Variants in ENTPD6 observed in about 807,000 individuals in gnomAD.
ENTPD6 encodes CD39 antigen-like 2.
A neutral mutation model predicts 61.5 loss-of-function variants in ENTPD6; 46 were observed. The observed-to-expected ratio is 0.75, with a 90% CI of 0.59 to 0.96. ENTPD6 has a LOEUF of 0.96. Ranked by LOEUF, ENTPD6 falls within the 40% of genes least tolerant of loss-of-function variation. The pLI, the probability that ENTPD6 is intolerant of heterozygous loss-of-function variation, is 0.00. For missense variants in ENTPD6, 612 were observed against 629.0 expected, an observed-to-expected ratio of 0.97 and a Z score of 0.29; for synonymous variants, 252 against 255.5, an observed-to-expected ratio of 0.99 and a Z score of 0.13.
chr20:25,199,204 C>T (rs577553544), intron 1 of ENTPD6, among the ~76,000 whole-genome samples: 3 of 152,278 alleles, frequency 2.0e-5, no homozygotes, highest in Non-Finnish European at 4.4e-5. Context: ...AGAAGAACTG[C>T]ACATGTCATG....
chr20:25,213,766 A>G (rs951156980), intron 5 of ENTPD6, among the ~76,000 whole-genome samples: 17 of 152,206 alleles, frequency 1.1e-4, no homozygotes, highest in African/African-American at 4.1e-4. Context: ...CCTGGCCAAC[A>G]TAGCAAGACC....
intron 12 of ENTPD6, 163 bp from the exon 13 acceptor site, chr20:25,223,938 G>T: frequency 1.8e-6 from 1 of 554,030 alleles, no homozygotes; most frequent in Non-Finnish European, 3.1e-6. Flanking sequence ...CCCAGAAGCC[G>T]TCCTCAGAGC....
chr20:25,207,556 G>A (rs537030322), intron 3 of ENTPD6, among the ~76,000 whole-genome samples, 159 bp downstream of exon 3: 67 of 152,262 alleles, frequency 4.4e-4, no homozygotes, highest in African/African-American at 1.1e-3. Context: ...TGAATTTCCC[G>A]GGAGTCCCAG....
intron 1 of ENTPD6, chr20:25,196,100 A>G (rs1346127086): frequency 9.0e-7 from 1 of 1,116,288 alleles, no homozygotes; most frequent in African/African-American, 1.6e-5. Context: ...CGGGCCAAAT[A>G]GCAGGGGCCT....
chr20:25,197,595 T>C (rs1189537692), intron 1 of ENTPD6, among the ~76,000 whole-genome samples: 1 of 152,238 alleles, frequency 6.6e-6, no homozygotes, highest in Non-Finnish European at 1.5e-5. Context: ...GTCTCAGCCA[T>C]GGGCAAACAC....
intron 11 of ENTPD6, 99 bp downstream of exon 11, chr20:25,221,432 G>A (rs1296797947): frequency 2.3e-6 from 2 of 887,222 alleles, no homozygotes; most frequent in Non-Finnish European, 3.7e-6. Context: ...TCCACGGGAG[G>A]CTCCTGACCT....
At chr20:25,215,022 C>T (rs568167503) in intron 6 of ENTPD6, 80 bp downstream of exon 6, 11 of 932,492 alleles carry the variant, frequency 1.2e-5, no homozygotes, top group East Asian at 4.9e-5. Flanking sequence ...TCTAACCATC[C>T]GCCACCCCTC....
At chr20:25,197,184 G>A (rs2122291658) in intron 1 of ENTPD6, 1 of 985,352 alleles carries the variant, frequency 1.0e-6, no homozygotes, top group Non-Finnish European at 1.2e-6. Flanking sequence ...AACAGATTAG[G>A]CAGCCATCAA....
At chr20:25,224,302 C>A (rs2092731829) in intron 13 of ENTPD6, 145 bp downstream of exon 13, 2 of 618,960 alleles carry the variant, frequency 3.2e-6, no homozygotes, top group African/African-American at 1.9e-5. Context: ...GAGAAAGGAC[C>A]ACCGTCCTTG....
intron 10 of ENTPD6, among the ~76,000 whole-genome samples, chr20:25,219,482 C>A (rs908283487): frequency 3.3e-5 from 5 of 152,214 alleles, no homozygotes; most frequent in Non-Finnish European, 5.9e-5. Flanking sequence ...GACCTGGGGA[C>A]ACAGCCTGCA....
intron 5 of ENTPD6, chr20:25,214,643 G>A: frequency 1.9e-6 from 1 of 530,812 alleles, no homozygotes; most frequent in East Asian, 3.3e-5. Context: ...TTTCGTTACT[G>A]CCTGCCAATA....
intron 7 of ENTPD6, 63 bp from the exon 8 acceptor site, chr20:25,216,585 C>G: frequency 7.7e-7 from 1 of 1,302,386 alleles, no homozygotes; most frequent in Non-Finnish European, 1.1e-6. Flanking sequence ...TTCACCCTGG[C>G]TTTTCTGCTG....
intron 5 of ENTPD6, among the ~76,000 whole-genome samples, chr20:25,214,150 T>C (rs895594386): frequency 1.3e-5 from 2 of 152,190 alleles, no homozygotes; most frequent in Non-Finnish European, 1.5e-5. Context: ...AGGGCCAATG[T>C]GTCTCCAGCT....
At position 25,222,938 on chromosome 20, in the gene ENTPD6, C is replaced by T; in HGVS notation, c.1146C>T (p.Phe382=). 1.2e-6 allele frequency: 2 copies of T among 1,613,988 alleles called. No homozygotes were observed. The highest frequency in any genetic ancestry group is 1.7e-6 in the Non-Finnish European group (2 of 1,180,000). ...EEVKHVDFYA[F]SYYYDLAAGV... is the part of the protein sequence containing the mutation. ...TGAAGCATGTGGACTTCTATGCTTT[C>T]TCCTACTATTACGACCTTGCAGCTG... The change falls in exon 12 of 15, where the codon TTC becomes TTT. Residue 382 remains phenylalanine (F), a synonymous_variant. Coordinates refer to ENST00000376652, the MANE Select transcript of ENTPD6 (RefSeq NM_001247.5).
At chr20:25,197,387 C>G (rs541426024) in intron 1 of ENTPD6, among the ~76,000 whole-genome samples, 44 of 152,220 alleles carry the variant, frequency 2.9e-4, no homozygotes, top group Non-Finnish European at 4.9e-4. Context: ...CTGTGTGCAC[C>G]CTACTTCCTA....
intron 1 of ENTPD6, chr20:25,196,267 C>T: frequency 3.8e-6 from 4 of 1,053,204 alleles, no homozygotes; most frequent in Non-Finnish European, 4.6e-6. Context: ...AGGATCAGGC[C>T]GCTCGGACAG....
At chr20:25,199,260 C>T (rs536990022) in intron 1 of ENTPD6, among the ~76,000 whole-genome samples, 1 of 152,292 alleles carries the variant, frequency 6.6e-6, no homozygotes, top group South Asian at 2.1e-4. Context: ...GGAGGAGCTC[C>T]GCCAGCACAT....
At chr20:25,204,549 CTCACCTG>C in intron 1 of ENTPD6, among the ~76,000 whole-genome samples, 1 of 152,230 alleles carries the variant, frequency 6.6e-6, no homozygotes, top group South Asian at 2.1e-4. Flanking sequence ...TACTGTATTT[CTCACCTG>C]TCATTCTTGC....
At chr20:25,221,462 C>A (rs749530830) in intron 11 of ENTPD6, 129 bp downstream of exon 11, 1 of 754,252 alleles carries the variant, frequency 1.3e-6, no homozygotes, top group Admixed American at 2.0e-5. Context: ...GAGCCTGTAC[C>A]TGCCCTGGAA....
Sources: gnomAD v4.1 joint callset for allele counts (sites outside exome capture counted in the v4.1 genomes callset) on GRCh38, gnomAD v4.1.1 for gene constraint, MANE v1.5 for transcripts, NCBI Gene and HGNC (gene_info 2026-07-23, HGNC 2026-07-21) for gene names.